CLVS1: variants seen among roughly 807,000 people sequenced by gnomAD.
CLVS1 encodes the protein clavesin-1.
Under a neutral mutation model 33.1 loss-of-function variants are expected in CLVS1, and 10 were observed. That is an observed-to-expected ratio of 0.30 (90% confidence interval 0.19 to 0.51). The LOEUF is 0.51. Ranked by LOEUF, CLVS1 falls within the 20% of genes least tolerant of loss-of-function variation. CLVS1 has a pLI of 0.97. For missense variants in CLVS1, 343 were observed against 433.4 expected (o/e 0.79, Z 1.85); for synonymous variants, 163 against 166.1 (o/e 0.98, Z 0.14).
intron 2 of CLVS1, among the ~76,000 whole-genome samples, chr8:61,242,117 T>C (rs528507572): frequency 6.6e-6 from 1 of 152,286 alleles, no homozygotes; most frequent in Non-Finnish European, 1.5e-5. Context: ...TATGATATGA[T>C]CAGGCATGGT....
intron 5 of CLVS1, among the ~76,000 whole-genome samples, chr8:61,478,754 G>A (rs1218605253): frequency 6.6e-6 from 1 of 152,114 alleles, no homozygotes; most frequent in Admixed American, 6.5e-5. Context: ...ACACTGATAG[G>A]TCTTGACTCT....
At chr8:61,386,197 C>A (rs939544178) in intron 3 of CLVS1, among the ~76,000 whole-genome samples, 12 of 152,140 alleles carry the variant, frequency 7.9e-5, no homozygotes, top group Non-Finnish European at 1.3e-4. Context: ...AACCTTGATT[C>A]TAGAATCCTA....
chr8:61,326,470 GC>G (rs912077637), intron 2 of CLVS1, among the ~76,000 whole-genome samples: 1 of 152,144 alleles, frequency 6.6e-6, no homozygotes, highest in Non-Finnish European at 1.5e-5. Context: ...GAGAGAAAGG[GC>G]AAAAGTTGTG....
intron 2 of CLVS1, among the ~76,000 whole-genome samples, chr8:61,241,545 T>C (rs1174537181): frequency 6.6e-6 from 1 of 152,138 alleles, no homozygotes; most frequent in Non-Finnish European, 1.5e-5. Context: ...AGTATAAAAA[T>C]TAAAAAAATG....
intron 2 of CLVS1, among the ~76,000 whole-genome samples, chr8:61,282,336 A>G (rs960666679): frequency 4.6e-5 from 7 of 152,204 alleles, no homozygotes; most frequent in Non-Finnish European, 8.8e-5. Flanking sequence ...GAAGAGAAGA[A>G]GAAGCAGCTG....
chr8:61,486,275 A>C (rs1803879946), intron 5 of CLVS1, among the ~76,000 whole-genome samples: 1 of 152,092 alleles, frequency 6.6e-6, no homozygotes, highest in Non-Finnish European at 1.5e-5. Context: ...CCTTGCTCAG[A>C]GTCAGGCCAA....
intron 2 of CLVS1, among the ~76,000 whole-genome samples, chr8:61,180,123 A>G (rs760963284): frequency 7.3e-4 from 111 of 152,148 alleles, no homozygotes; most frequent in Non-Finnish European, 2.9e-4. Context: ...AGAGAGAAGA[A>G]TCAAATGGAC....
chr8:61,087,604 A>G (rs1449059646), intron 1 of CLVS1, among the ~76,000 whole-genome samples: 1 of 152,158 alleles, frequency 6.6e-6, no homozygotes, highest in Non-Finnish European at 1.5e-5. Flanking sequence ...AGGGAAACAG[A>G]TCTCAACATT....
At chr8:61,270,844 T>C (rs1445031718) in intron 2 of CLVS1, among the ~76,000 whole-genome samples, 1 of 152,186 alleles carries the variant, frequency 6.6e-6, no homozygotes, top group Non-Finnish European at 1.5e-5. Context: ...TGTATTTCTG[T>C]GGGATCGGTG....
Position 61,269,497 on chromosome 8 carries a change from C to T in CLVS1, c.-151-30180C>T, listed in dbSNP as rs1472704102. ...TTGGCTTAGGATTGACTTGGCGATG[C>T]GGACTCTTTTTTGGTTCCATATGAA... On this transcript the variant is annotated intron_variant, in intron 2 of 2. Transcript: ENST00000522621. Among the ~76,000 whole-genome samples the T allele has an allele frequency of 9.2e-5, 14 of 152,106 alleles. No individual in the cohort carries two copies. In the South Asian group the frequency reaches 1.5e-3, roughly 16 times the overall value.
the CLVS1 span, among the ~76,000 whole-genome samples, chr8:60,979,431 A>G: frequency 6.6e-6 from 1 of 152,252 alleles, no homozygotes; most frequent in Non-Finnish European, 1.5e-5. Flanking sequence ...TTGAGAAATG[A>G]CTTAGTAGAA....
chr8:61,471,951 C>G (rs555265613), intron 5 of CLVS1, among the ~76,000 whole-genome samples: 1 of 152,238 alleles, frequency 6.6e-6, no homozygotes, highest in Admixed American at 6.5e-5. Flanking sequence ...ACACACAGCC[C>G]CCATCACACT....
At chr8:61,159,644 T>C (rs967896842) in intron 2 of CLVS1, among the ~76,000 whole-genome samples, 5 of 152,228 alleles carry the variant, frequency 3.3e-5, no homozygotes, top group Non-Finnish European at 7.3e-5. Flanking sequence ...AAATCATTTA[T>C]CATGAACGAA....
At chr8:61,061,205 C>T (rs547498097) in intron 1 of CLVS1, among the ~76,000 whole-genome samples, 1 of 152,232 alleles carries the variant, frequency 6.6e-6, no homozygotes, top group South Asian at 2.1e-4. Context: ...ACCCAGTTCC[C>T]GACTTTTACA....
intron 2 of CLVS1, among the ~76,000 whole-genome samples, chr8:61,227,678 C>T (rs1808358690): frequency 6.6e-6 from 1 of 152,160 alleles, no homozygotes; most frequent in Non-Finnish European, 1.5e-5. Flanking sequence ...AGAGAAGGCT[C>T]ATCTCGCTCT....
the CLVS1 span, among the ~76,000 whole-genome samples, chr8:61,011,179 T>A: frequency 2.0e-5 from 3 of 152,094 alleles, no homozygotes; most frequent in African/African-American, 7.2e-5. Context: ...GGCAGGAGGG[T>A]CTCTTGAACC....
At chr8:60,981,906 T>C in the CLVS1 span, among the ~76,000 whole-genome samples, 1 of 152,230 alleles carries the variant, frequency 6.6e-6, no homozygotes, top group African/African-American at 2.4e-5. Flanking sequence ...AGGCTGACTG[T>C]GAAATATGAC....
the CLVS1 span, among the ~76,000 whole-genome samples, chr8:61,007,694 A>G: frequency 6.6e-6 from 1 of 152,176 alleles, no homozygotes; most frequent in Non-Finnish European, 1.5e-5. Flanking sequence ...ATAGAAGCAA[A>G]GCACATTTAT....
intron 2 of CLVS1, among the ~76,000 whole-genome samples, chr8:61,357,481 T>C (rs1812768656): frequency 6.9e-6 from 1 of 144,034 alleles, no homozygotes; most frequent in Non-Finnish European, 1.5e-5. Flanking sequence ...TCTTTTTCTT[T>C]CCTTTTTCTT....
Sources: allele counts gnomAD v4.1 joint callset (sites outside exome capture counted in the v4.1 genomes callset), GRCh38; gene constraint gnomAD v4.1.1; transcripts MANE v1.5; gene names NCBI Gene and HGNC (gene_info 2026-07-23, HGNC 2026-07-21).